LRCH3: variants seen among roughly 807,000 people sequenced by gnomAD.
LRCH3 encodes the protein DISP complex protein LRCH3.
Under a neutral mutation model 104.5 loss-of-function variants are expected in LRCH3, and 68 were observed. The observed-to-expected ratio is 0.65, with a 90% CI of 0.54 to 0.80. The LOEUF (loss-of-function observed/expected upper bound fraction) is 0.80, where lower values mean the gene tolerates loss of function less well. LRCH3 is among the 30% of genes least tolerant of loss of function. The pLI, the probability that LRCH3 is intolerant of heterozygous loss-of-function variation, is 0.00. For missense variants in LRCH3, 951 were observed against 953.9 expected, an observed-to-expected ratio of 1.00 and a Z score of 0.04; for synonymous variants, 344 against 361.3, an observed-to-expected ratio of 0.95 and a Z score of 0.54.
At chr3:197,848,309 G>A (rs1023194419) in intron 12 of LRCH3, 5 of 281,928 alleles carry the variant, frequency 1.8e-5, no homozygotes, top group African/African-American at 1.1e-4. Flanking sequence ...GAAAGTGAAA[G>A]TGCTGTGTGA....
intron 8 of LRCH3, among the ~76,000 whole-genome samples, chr3:197,834,251 G>T (rs1005724735): frequency 6.6e-6 from 1 of 152,084 alleles, no homozygotes; most frequent in Non-Finnish European, 1.5e-5. Context: ...AATAATGGGG[G>T]ATTCCCAAAC....
chr3:197,849,250 A>G (rs1017579727), intron 12 of LRCH3, among the ~76,000 whole-genome samples: 1 of 144,278 alleles, frequency 6.9e-6, no homozygotes, highest in Non-Finnish European at 1.5e-5. Context: ...CCTGGTTGAC[A>G]GAGTGAGACT....
chr3:197,824,416 T>C (rs951044378), intron 4 of LRCH3, among the ~76,000 whole-genome samples: 1 of 150,248 alleles, frequency 6.7e-6, no homozygotes, highest in African/African-American at 2.5e-5. Context: ...TATATGCTTA[T>C]TTTTATGTGT....
chr3:197,841,846 G>GTTTTC lies in LRCH3; in HGVS notation c.1328+2453_1328+2454insCTTTT, dbSNP rs571232268. Reference sequence around the variant, plus strand: ...GTTTTGTTTTGTTTTGTTTTGTTTTGTTTTGTGACAGGGTCTTGCTCTATT... The same window carrying GTTTTC: ...GTTTTGTTTTGTTTTGTTTTGTTTTGTTTTCTTTTGTGACAGGGTCTTGCTCTATT... On this transcript the variant is annotated intron_variant, in intron 10 of 20. Coordinates refer to ENST00000425562, the MANE Select transcript of LRCH3 (RefSeq NM_001365715.1). 1.5e-3 allele frequency among the ~76,000 whole-genome samples: 225 copies of GTTTTC among 147,162 alleles called. 7 individuals are homozygous for GTTTTC. Among genetic ancestry groups the GTTTTC allele is most frequent in the African/African-American group, 3.6e-3 (141 of 39,268 alleles).
chr3:197,867,073 A>G (rs981748444), intron 17 of LRCH3, among the ~76,000 whole-genome samples: 3 of 151,988 alleles, frequency 2.0e-5, no homozygotes, highest in Non-Finnish European at 2.9e-5. Flanking sequence ...TGAGGAGTTC[A>G]TGACCAGCCT....
intron 12 of LRCH3, chr3:197,850,655 ACT>A (rs1560579352): frequency 6.5e-7 from 1 of 1,547,086 alleles, no homozygotes; most frequent in South Asian, 1.1e-5. Context: ...GTTCAGCATC[ACT>A]CTCTGCATTT....
At chr3:197,799,428 A>C (rs1032898337) in intron 1 of LRCH3, among the ~76,000 whole-genome samples, 2 of 152,240 alleles carry the variant, frequency 1.3e-5, no homozygotes, top group Non-Finnish European at 2.9e-5. Context: ...AAAAATGTAA[A>C]GCATTTCCTT....
chr3:197,832,251 C>G lies in LRCH3; in HGVS notation c.1036C>G (p.Gln346Glu). 1.2e-6 allele frequency: 2 copies of G among 1,613,798 alleles called. No individual in the cohort carries two copies. Among genetic ancestry groups the G allele is most frequent in the Non-Finnish European group, 1.7e-6 (2 of 1,179,754 alleles). The change falls in exon 8 of 21, where the codon CAA (glutamine) becomes GAA (glutamate). Residue 346 changes from glutamine (Q) to glutamate (E), a missense_variant. Gln to Glu is a conservative substitution (Grantham distance 29). Coordinates refer to ENST00000425562, the MANE Select transcript of LRCH3 (RefSeq NM_001365715.1). ...PLRVAEITKE[Q>E]RLRRESQYQE... ...TCGAGTAGCAGAGATTACTAAAGAACAAAGACTACGAAGAGAAAGCCAGTA... is the reference window on the plus strand; with the variant it reads ...TCGAGTAGCAGAGATTACTAAAGAAGAAAGACTACGAAGAGAAAGCCAGTA...
rs1043169943 is a variant in LRCH3, at chr3:197,839,317, C to T, written c.1252-4C>T. 4 of 1,582,582 alleles carry T rather than the reference C, an allele frequency of 2.5e-6. No homozygotes were observed. The African/African-American group carries it at 5.5e-5, about 22-fold the overall frequency. On this transcript the variant is annotated splice_polypyrimidine_tract_variant and splice_region_variant and intron_variant, in intron 9 of 20. Transcript: ENST00000425562. ...AATTTATTTATTTCTGTCCTCTGGCCTAGGGTTCACCAGTAAAGCCAGTAG... is the reference window on the plus strand; with the variant it reads ...AATTTATTTATTTCTGTCCTCTGGCTTAGGGTTCACCAGTAAAGCCAGTAG...
chr3:197,850,817 C>A, intron 12 of LRCH3: 1 of 1,168,078 alleles, frequency 8.6e-7, no homozygotes, highest in Non-Finnish European at 1.3e-6. Flanking sequence ...CTTTCAGATA[C>A]TTCGTGGCTT....
intron 1 of LRCH3, among the ~76,000 whole-genome samples, chr3:197,792,146 C>T (rs567148144): frequency 1.1e-4 from 17 of 151,424 alleles, no homozygotes; most frequent in Non-Finnish European, 2.4e-4. Context: ...GAAGTGAACC[C>T]GAACGCTGGA....
chr3:197,855,009 G>A (rs948036339), intron 14 of LRCH3, among the ~76,000 whole-genome samples: 1 of 152,162 alleles, frequency 6.6e-6, no homozygotes, highest in Non-Finnish European at 1.5e-5. Flanking sequence ...AGCTCAAAAT[G>A]AGTATAAGAT....
chr3:197,864,260 T>C (rs1741199017), intron 15 of LRCH3, among the ~76,000 whole-genome samples: 1 of 146,986 alleles, frequency 6.8e-6, no homozygotes, highest in Non-Finnish European at 1.5e-5. Context: ...GAGCTGAGAG[T>C]GCTCTATTGC....
At chr3:197,831,587 A>T (rs1469246015) in intron 7 of LRCH3, among the ~76,000 whole-genome samples, 1 of 152,040 alleles carries the variant, frequency 6.6e-6, no homozygotes, top group Non-Finnish European at 1.5e-5. Flanking sequence ...GGCTGTATCA[A>T]TACAGATATA....
At chr3:197,851,620 G>A (rs1003336635) in intron 12 of LRCH3, among the ~76,000 whole-genome samples, 5 of 152,154 alleles carry the variant, frequency 3.3e-5, no homozygotes, top group African/African-American at 1.2e-4. Flanking sequence ...ATTTTATGCT[G>A]TTAGGTTCCT....
chr3:197,800,114 C>T (rs1003271532), intron 1 of LRCH3, among the ~76,000 whole-genome samples: 5 of 151,666 alleles, frequency 3.3e-5, no homozygotes, highest in Admixed American at 6.6e-5. Flanking sequence ...GCTTGAACCC[C>T]GGTGGTGGAG....
At chr3:197,835,555 C>A in intron 8 of LRCH3, 119 bp from the exon 9 acceptor site, 6 of 1,087,506 alleles carry the variant, frequency 5.5e-6, no homozygotes, top group African/African-American at 1.7e-5. Flanking sequence ...ATCCCTCCCA[C>A]TTTCAAAATA....
intron 2 of LRCH3, 100 bp downstream of exon 2, chr3:197,815,152 C>T (rs1025160847): frequency 3.7e-5 from 24 of 656,502 alleles, no homozygotes; most frequent in African/African-American, 1.3e-4. Flanking sequence ...GCTATCTATT[C>T]ATATCAGCAG....
intron 1 of LRCH3, among the ~76,000 whole-genome samples, chr3:197,807,309 C>T (rs35109653): frequency 0.16 from 24,867 of 151,114 alleles, 2,646 homozygotes; most frequent in Non-Finnish European, 0.23. Context: ...CTCCGCCTCT[C>T]GGGTTCACAC....
Sources: allele counts gnomAD v4.1 joint callset (sites outside exome capture counted in the v4.1 genomes callset), GRCh38; gene constraint gnomAD v4.1.1; transcripts MANE v1.5; gene names NCBI Gene and HGNC (gene_info 2026-07-23, HGNC 2026-07-21).